The following NAMPT variants were observed in gnomAD, a reference collection of about 807,000 sequenced individuals.
NAMPT encodes the protein NAmPRTase.
Under a neutral mutation model 58.7 loss-of-function variants are expected in NAMPT, and 7 were observed. That is an observed-to-expected ratio of 0.12 (90% CI 0.07 to 0.22). The LOEUF (loss-of-function observed/expected upper bound fraction) is 0.22, where lower values mean the gene tolerates loss of function less well. Among genes scored for constraint, NAMPT ranks in the 10% least tolerant of loss-of-function variants. NAMPT has a pLI of 1.00. For missense variants in NAMPT, 271 were observed against 567.9 expected, an observed-to-expected ratio of 0.48 and a Z score of 5.31; for synonymous variants, 145 against 198.1, an observed-to-expected ratio of 0.73 and a Z score of 2.25.
rs972501346 is a variant in NAMPT, at chr7:106,284,664, C to T, written c.57+164G>A. Reference sequence around the variant, plus strand: ...CCTGCCCACTGCGGCGCCTCCTCACCTGCCCCAGCCGCCGCCGCCCGCGCC... The same window carrying T: ...CCTGCCCACTGCGGCGCCTCCTCACTTGCCCCAGCCGCCGCCGCCCGCGCC... On this transcript the variant is annotated intron_variant, in intron 1 of 10. Transcript: ENST00000222553. 6 of 825,676 alleles carry T rather than the reference C, an allele frequency of 7.3e-6. No individual in the cohort carries two copies. The Admixed American group carries it at 2.5e-4, about 35-fold the overall frequency. The allele number at this position is 825,676 out of a possible 1,614,324, so 51.1% of individuals were successfully genotyped here.
chr7:106,270,488 A>T (rs1792512045), intron 4 of NAMPT, among the ~76,000 whole-genome samples: 1 of 152,198 alleles, frequency 6.6e-6, no homozygotes, highest in Admixed American at 6.5e-5. Flanking sequence ...GACTCCTGTG[A>T]CTGATTAAAT....
chr7:106,257,619 GT>G, intron 8 of NAMPT, among the ~76,000 whole-genome samples: 1 of 139,884 alleles, frequency 7.1e-6, no homozygotes, highest in South Asian at 2.6e-4. Flanking sequence ...GACAGACTGA[GT>G]CCCTGTCAAA....
intron 8 of NAMPT, among the ~76,000 whole-genome samples, chr7:106,258,369 C>G (rs1460706448): frequency 6.6e-6 from 1 of 152,198 alleles, no homozygotes; most frequent in Non-Finnish European, 1.5e-5. Flanking sequence ...CCACCAAACT[C>G]TTTCGAACAG....
At chr7:106,257,031 C>G (rs1400991779) in intron 8 of NAMPT, among the ~76,000 whole-genome samples, 1 of 151,976 alleles carries the variant, frequency 6.6e-6, no homozygotes. Flanking sequence ...CAAAAAGTAG[C>G]CGGGCGTGGT....
intron 7 of NAMPT, among the ~76,000 whole-genome samples, chr7:106,262,297 A>C (rs1381185767): frequency 6.6e-6 from 1 of 152,084 alleles, no homozygotes; most frequent in Non-Finnish European, 1.5e-5. Flanking sequence ...TTGTACACCA[A>C]ATTAAAATTT....
chr7:106,282,349 T>C (rs960930209), intron 1 of NAMPT, among the ~76,000 whole-genome samples: 2 of 152,336 alleles, frequency 1.3e-5, no homozygotes, highest in South Asian at 2.1e-4. Flanking sequence ...TCTTCTTTTA[T>C]AATACCCAAT....
intron 6 of NAMPT, among the ~76,000 whole-genome samples, chr7:106,267,833 T>G (rs1792446673): frequency 4.6e-5 from 1 of 21,594 alleles, no homozygotes; most frequent in Non-Finnish European, 1.1e-4. Flanking sequence ...AGAGCGAGAC[T>G]CCGTCTCAAA....
At chr7:106,254,712 T>C (rs1338712769) in intron 8 of NAMPT, among the ~76,000 whole-genome samples, 2 of 152,162 alleles carry the variant, frequency 1.3e-5, no homozygotes, top group African/African-American at 2.4e-5. Context: ...TCATGCATAG[T>C]TCCTGAATCT....
At chr7:106,266,555 T>C (rs942347643) in intron 6 of NAMPT, among the ~76,000 whole-genome samples, 2 of 152,228 alleles carry the variant, frequency 1.3e-5, no homozygotes, top group Non-Finnish European at 2.9e-5. Flanking sequence ...ACAATGCTCA[T>C]AAACGTCAGC....
intron 8 of NAMPT, among the ~76,000 whole-genome samples, chr7:106,259,909 G>T (rs1024225328): frequency 1.4e-5 from 2 of 147,158 alleles, no homozygotes; most frequent in Non-Finnish European, 3.0e-5. Flanking sequence ...TGAGCAGTCG[G>T]TCCCAACAGT....
intron 5 of NAMPT, 89 bp downstream of exon 5, chr7:106,269,065 T>A (rs1291406661): frequency 8.1e-7 from 1 of 1,238,988 alleles, no homozygotes; most frequent in African/African-American, 1.5e-5. Flanking sequence ...AGAACCAAGA[T>A]CAATCTCAAT....
intron 1 of NAMPT, among the ~76,000 whole-genome samples, chr7:106,277,903 G>T (rs931192533): frequency 6.6e-6 from 1 of 152,092 alleles, no homozygotes; most frequent in African/African-American, 2.4e-5. Flanking sequence ...GAAAGAAAAA[G>T]TAAAAAGTGA....
rs963064804 is a variant in NAMPT, at chr7:106,248,889, T to C, written c.*2194A>G. On this transcript the variant is annotated 3_prime_UTR_variant, in exon 11 of 11. Coordinates refer to ENST00000222553, the MANE Select transcript of NAMPT (RefSeq NM_005746.3). ...TCAGAATTAATCAGTTCCAAGTGAC[T>C]AAGAGCCAATAGAATTAATCTCCAT... The C allele has an allele frequency of 2.0e-5, 3 of 152,086 alleles. No individual in the cohort carries two copies. Among genetic ancestry groups the C allele is most frequent in the Non-Finnish European group, 4.4e-5 (3 of 67,962 alleles). 9.4% of individuals were successfully genotyped at this position (152,086 alleles called of 1,614,324 possible).
At chr7:106,257,068 C>A (rs79267862) in intron 8 of NAMPT, among the ~76,000 whole-genome samples, 5,775 of 151,454 alleles carry the variant, frequency 0.038, 127 homozygotes, top group Middle Eastern at 0.12. Context: ...CCCAGCTACC[C>A]GAGAAGCAGA....
rs1177434673 is a variant in NAMPT, at chr7:106,248,408, C to T, written c.*2675G>A. 3 of 152,430 alleles carry T rather than the reference C, an allele frequency of 2.0e-5. No individual in the cohort carries two copies. Among genetic ancestry groups the T allele is most frequent in the Admixed American group, 6.6e-5 (1 of 15,226 alleles). The allele number at this position is 152,430 out of a possible 1,614,324, so 9.4% of individuals were successfully genotyped here. On this transcript the variant is annotated 3_prime_UTR_variant, in exon 11 of 11. Coordinates refer to ENST00000222553, the MANE Select transcript of NAMPT (RefSeq NM_005746.3). ...TTGGGAGAAAAGCTGACATTCTCCACTGAATGGGTTAAAAAGGAATGTAAA... is the reference window on the plus strand; with the variant it reads ...TTGGGAGAAAAGCTGACATTCTCCATTGAATGGGTTAAAAAGGAATGTAAA...
rs753021220 is a variant in NAMPT, at chr7:106,249,156, CTCA to C, written c.*1924_*1926del. On this transcript the variant is annotated 3_prime_UTR_variant, in exon 11 of 11. Coordinates refer to ENST00000222553, the MANE Select transcript of NAMPT (RefSeq NM_005746.3). ...GAAATGTGTGTTTTTCTTAATACTA[CTCA>C]TCTTTACTCAAATACATTAAAAAAT... 7.9e-5 allele frequency: 12 copies of C among 152,392 alleles called. No homozygotes were observed. Among genetic ancestry groups the C allele is most frequent in the Non-Finnish European group, 1.6e-4 (11 of 67,962 alleles). 9.4% of individuals were successfully genotyped at this position (152,392 alleles called of 1,614,324 possible).
upstream of NAMPT, chr7:106,285,197 T>G: frequency 9.8e-7 from 1 of 1,020,376 alleles, no homozygotes. Flanking sequence ...GGCAGCGCGC[T>G]GCGCAGTGCG....
chr7:106,259,461 T>C (rs927404662), intron 8 of NAMPT, among the ~76,000 whole-genome samples: 2 of 152,216 alleles, frequency 1.3e-5, no homozygotes, highest in South Asian at 2.1e-4. Context: ...GGAGTTTCAC[T>C]CTGTTGCCCA....
At chr7:106,261,566 A>AC in intron 8 of NAMPT, 22 bp downstream of exon 8, 1 of 1,484,094 alleles carries the variant, frequency 6.7e-7, no homozygotes, top group South Asian at 1.2e-5. Flanking sequence ...CCTTATTGAA[A>AC]CTTTTAATAT....
Sources: allele counts gnomAD v4.1 joint callset (sites outside exome capture counted in the v4.1 genomes callset), GRCh38; gene constraint gnomAD v4.1.1; transcripts MANE v1.5; gene names NCBI Gene and HGNC (gene_info 2026-07-23, HGNC 2026-07-21).